The following ARHGEF33 variants were observed in gnomAD, a reference collection of about 807,000 sequenced individuals.
ARHGEF33 encodes Rho guanine nucleotide exchange factor 33.
ARHGEF33 carries 72 observed loss-of-function variants against 101.9 expected under a neutral mutation model. The ratio of observed to expected loss-of-function variants is 0.71; its 90% CI spans 0.58 to 0.86. The LOEUF is 0.86. ARHGEF33 is among the 40% of genes least tolerant of loss of function. The pLI is 0.00. For missense variants in ARHGEF33, 1,169 were observed against 1,111.3 expected (o/e 1.05, Z -0.74); for synonymous variants, 499 against 442.5 (o/e 1.13, Z -1.60).
At chr2:38,893,293 G>T (rs1406937015) in intron 1 of ARHGEF33, among the ~76,000 whole-genome samples, 1 of 151,980 alleles carries the variant, frequency 6.6e-6, no homozygotes, top group Non-Finnish European at 1.5e-5. Context: ...CTCCTGAGTA[G>T]CTGGGATTAC....
Position 38,929,257 on chromosome 2 carries a change from C to T in ARHGEF33, c.240+186C>T, listed in dbSNP as rs137944865. On this transcript the variant is annotated intron_variant, in intron 5 of 17. Coordinates refer to ENST00000409978, the MANE Select transcript of ARHGEF33 (RefSeq NM_001145451.5). ...CACCCTGGCCAATATGGTGAAACCCCGTCTCTACTAAAAATATAAAAATTA... is the reference window on the plus strand; with the variant it reads ...CACCCTGGCCAATATGGTGAAACCCTGTCTCTACTAAAAATATAAAAATTA... Among the ~76,000 whole-genome samples, 685 of 152,106 alleles carry T rather than the reference C, an allele frequency of 4.5e-3. 1 individual carries two copies. The highest frequency in any genetic ancestry group is 6.8e-3 in the East Asian group (35 of 5,164).
At chr2:38,948,455 G>C (rs573532323) in intron 10 of ARHGEF33, among the ~76,000 whole-genome samples, 26 of 152,088 alleles carry the variant, frequency 1.7e-4, no homozygotes, top group African/African-American at 5.8e-4. Flanking sequence ...GAGGAGATTG[G>C]TACCAGCTCT....
At chr2:38,943,704 G>C (rs1667369277) in intron 9 of ARHGEF33, among the ~76,000 whole-genome samples, 197 bp from the exon 10 acceptor site, 3 of 152,176 alleles carry the variant, frequency 2.0e-5, no homozygotes, top group Admixed American at 2.0e-4. Flanking sequence ...GCTGCAGATG[G>C]GGACACCAAG....
chr2:38,968,886 G>A (rs1668109980), intron 17 of ARHGEF33, among the ~76,000 whole-genome samples: 1 of 152,186 alleles, frequency 6.6e-6, no homozygotes, highest in Admixed American at 6.5e-5. Flanking sequence ...GGCAGCTTAA[G>A]TAGCGTTTTC....
intron 16 of ARHGEF33, among the ~76,000 whole-genome samples, chr2:38,961,371 G>T (rs1477760594): frequency 6.6e-6 from 1 of 152,108 alleles, no homozygotes; most frequent in Non-Finnish European, 1.5e-5. Flanking sequence ...GTGTCTGCAG[G>T]TCTACAGGTG....
At position 38,960,403 on chromosome 2, in the gene ARHGEF33, G is replaced by A. The variant is rs1001896596; in HGVS notation, c.2098G>A (p.Gly700Ser). The change falls in exon 16 of 18, where the codon GGC becomes AGC. Residue 700 changes from glycine to serine, a missense_variant. Gly to Ser is a moderately conservative substitution (Grantham distance 56). Transcript: ENST00000409978. ...ACTGGAGGCGGCGGCGCAGGCGCAC[G>A]GCAAGGCCAAGCCGCTGAGCCGCTC... ...YKLEAAAQAH[G>S]KAKPLSRSLK... The A allele has an allele frequency of 7.9e-6, 12 of 1,512,684 alleles. No homozygotes were observed. The African/African-American group carries it at 1.1e-4, about 14-fold the overall frequency. 93.7% of individuals were successfully genotyped at this position (1,512,684 alleles called of 1,614,324 possible).
intron 10 of ARHGEF33, among the ~76,000 whole-genome samples, chr2:38,947,248 TC>T (rs1667473392): frequency 6.6e-6 from 1 of 152,176 alleles, no homozygotes; most frequent in South Asian, 2.1e-4. Flanking sequence ...CTTAGGTTTT[TC>T]CTAAAGAAAA....
Position 38,937,406 on chromosome 2 carries a change from G to C in ARHGEF33, c.637G>C (p.Gly213Arg), listed in dbSNP as rs1277833004. 3 of 1,545,052 alleles carry C rather than the reference G, an allele frequency of 1.9e-6. No homozygotes were observed. Among genetic ancestry groups the C allele is most frequent in the South Asian group, 2.4e-5 (2 of 83,800 alleles). ...SCLSADIQSK[G>R]HLPSGMWRQP... The stretch of plus-strand genomic sequence containing the variant: ...CCTCTCGGCTGATATCCAGTCCAAG[G>C]GCCATCTCCCATCTGGCATGTGGAG... The change falls in exon 9 of 18, where the codon GGC (glycine) becomes CGC (arginine). Residue 213 changes from glycine (G) to arginine (R), a missense_variant. Coordinates refer to ENST00000409978, the MANE Select transcript of ARHGEF33 (RefSeq NM_001145451.5).
rs149461829 is a variant in ARHGEF33 at position 38,893,699 on chromosome 2, T to C, written c.-158-2078T>C. On this transcript the variant is annotated intron_variant, in intron 1 of 17. Coordinates refer to ENST00000409978, the MANE Select transcript of ARHGEF33 (RefSeq NM_001145451.5). ...AACAATGGCATCCTTTCATTTCTCC[T>C]AGCACCTGGTACAATGCCTTTTATG... is the stretch of plus-strand genomic sequence containing the variant. Among the ~76,000 whole-genome samples, 422 of 152,356 alleles carry C rather than the reference T, an allele frequency of 2.8e-3. 3 individuals are homozygous for C. The highest frequency in any genetic ancestry group is 0.01 in the Middle Eastern group (3 of 294).
chr2:38,947,083 T>G (rs1667469880), intron 10 of ARHGEF33, among the ~76,000 whole-genome samples: 1 of 152,244 alleles, frequency 6.6e-6, no homozygotes, highest in Admixed American at 6.5e-5. Context: ...AGTAAGTATA[T>G]TAACATTTAC....
chr2:38,942,909 A>G (rs1292739893), intron 9 of ARHGEF33, among the ~76,000 whole-genome samples: 1 of 152,160 alleles, frequency 6.6e-6, no homozygotes, highest in Non-Finnish European at 1.5e-5. Flanking sequence ...ATCAGATGGC[A>G]AATTAACTTT....
chr2:38,912,322 T>C (rs1041674182), intron 2 of ARHGEF33, among the ~76,000 whole-genome samples: 2 of 152,226 alleles, frequency 1.3e-5, no homozygotes, highest in African/African-American at 4.8e-5. Flanking sequence ...GAAGAATTAC[T>C]AGGCTCAGAG....
At chr2:38,928,502 C>T (rs1239126898) in intron 4 of ARHGEF33, among the ~76,000 whole-genome samples, 1 of 152,102 alleles carries the variant, frequency 6.6e-6, no homozygotes, top group Non-Finnish European at 1.5e-5. Context: ...GTTTCCTTGC[C>T]TCTCATAATA....
At chr2:38,956,811 C>T in intron 13 of ARHGEF33, 88 bp from the exon 14 acceptor site, 1 of 1,434,068 alleles carries the variant, frequency 7.0e-7, no homozygotes, top group Non-Finnish European at 9.5e-7. Context: ...TATGAATCTC[C>T]CACAATAGAT....
intron 2 of ARHGEF33, among the ~76,000 whole-genome samples, chr2:38,913,816 A>T (rs1256345761): frequency 6.6e-6 from 1 of 152,096 alleles, no homozygotes; most frequent in Non-Finnish European, 1.5e-5. Context: ...AAGTGACCAC[A>T]TAGTCAAAAG....
chr2:38,972,004 A>T, intron 17 of ARHGEF33: 3 of 712,438 alleles, frequency 4.2e-6, no homozygotes, highest in Non-Finnish European at 7.9e-6. Context: ...GGTTTTGGAT[A>T]GACCAGATGT....
intron 9 of ARHGEF33, among the ~76,000 whole-genome samples, chr2:38,938,949 A>G (rs1217043300): frequency 6.6e-6 from 1 of 152,142 alleles, no homozygotes; most frequent in Non-Finnish European, 1.5e-5. Flanking sequence ...AATTTATCAC[A>G]TTTTTAAAAA....
chr2:38,935,644 CT>C (rs5830547), intron 7 of ARHGEF33, 130 bp from the exon 8 acceptor site: 182,290 of 649,402 alleles, frequency 0.28, 26,852 homozygotes, highest in Admixed American at 0.32. Context: ...ACTGTAATTT[CT>C]TTTTTTTACT....
chr2:38,891,353 A>G (rs1408770671), intron 1 of ARHGEF33, among the ~76,000 whole-genome samples: 1 of 151,910 alleles, frequency 6.6e-6, no homozygotes, highest in East Asian at 1.9e-4. Flanking sequence ...AGATCAACTG[A>G]TCTTCCTCCT....
Sources: gnomAD v4.1 joint callset for allele counts (sites outside exome capture counted in the v4.1 genomes callset) on GRCh38, gnomAD v4.1.1 for gene constraint, MANE v1.5 for transcripts, NCBI Gene and HGNC (gene_info 2026-07-23, HGNC 2026-07-21) for gene names.